The following RORA variants were observed in gnomAD, a reference collection of about 807,000 sequenced individuals.
RORA encodes the protein nuclear receptor ROR-alpha.
Under a neutral mutation model 69.5 loss-of-function variants are expected in RORA, and 7 were observed. The observed-to-expected ratio is 0.10, with a 90% CI of 0.06 to 0.19. The LOEUF is 0.19. Among genes scored for constraint, RORA ranks in the 10% least tolerant of loss-of-function variants. RORA has a pLI of 1.00. For missense variants in RORA, 457 were observed against 663.0 expected (o/e 0.69, Z 3.41); for synonymous variants, 261 against 240.8 (o/e 1.08, Z -0.78).
At chr15:60,709,608 G>C (rs1354260436) in intron 1 of RORA, among the ~76,000 whole-genome samples, 2 of 151,746 alleles carry the variant, frequency 1.3e-5, no homozygotes, top group Non-Finnish European at 2.9e-5. Context: ...AAGTGCACAC[G>C]TGAGGGATCT....
chr15:60,834,158 G>C (rs1156767511), intron 1 of RORA, among the ~76,000 whole-genome samples: 1 of 152,188 alleles, frequency 6.6e-6, no homozygotes. Flanking sequence ...GCATAGAAAA[G>C]TCTCTGCCTG....
At chr15:61,118,233 T>G (rs2079067765) in intron 1 of RORA, among the ~76,000 whole-genome samples, 1 of 152,090 alleles carries the variant, frequency 6.6e-6, no homozygotes, top group Non-Finnish European at 1.5e-5. Flanking sequence ...CAAGTTTTCT[T>G]AAGGAAGGTG....
intron 1 of RORA, among the ~76,000 whole-genome samples, chr15:60,882,192 T>C (rs1211272507): frequency 2.0e-5 from 3 of 152,292 alleles, no homozygotes; most frequent in Non-Finnish European, 4.4e-5. Context: ...TAAAATTCAC[T>C]AGACACGGAA....
intron 1 of RORA, among the ~76,000 whole-genome samples, chr15:60,866,644 C>A (rs2073490457): frequency 6.6e-6 from 1 of 152,086 alleles, no homozygotes; most frequent in Non-Finnish European, 1.5e-5. Context: ...TTAAATTAGT[C>A]ACCAGTGGCC....
rs542275787 is a variant in RORA at position 60,630,888 on chromosome 15, C to CTTTTTTTTTTTTTTT, written c.196+47754_196+47768dup. On this transcript the variant is annotated intron_variant, in intron 2 of 10. Coordinates refer to ENST00000335670, the MANE Select transcript of RORA (RefSeq NM_134261.3). ...GGCATTTGGGCCAGGATGAGACTTT[C>CTTTTTTTTTTTTTTT]TTTTTTTTTTTTTTTTTGAGACGGA... is the stretch of plus-strand genomic sequence containing the variant. Among the ~76,000 whole-genome samples the CTTTTTTTTTTTTTTT allele has an allele frequency of 6.4e-5, 7 of 109,890 alleles. 1 individual carries two copies. Among genetic ancestry groups the CTTTTTTTTTTTTTTT allele is most frequent in the African/African-American group, 1.5e-4 (4 of 26,434 alleles). The allele number at this position is 109,890 out of a possible 152,430, so 72.1% of individuals were successfully genotyped here.
At chr15:61,218,674 T>TCTCACACACACA (rs141433115) in intron 1 of RORA, among the ~76,000 whole-genome samples, 2 of 142,950 alleles carry the variant, frequency 1.4e-5, no homozygotes, top group African/African-American at 2.6e-5. Flanking sequence ...CTAATATAAC[T>TCTCACACACACA]CACACACACA....
At chr15:61,176,582 G>C (rs2079631417) in intron 1 of RORA, 1 of 152,070 alleles carries the variant, frequency 6.6e-6, no homozygotes, top group Admixed American at 6.5e-5. Flanking sequence ...AAAATGCTTG[G>C]GGATTACAGG....
chr15:60,838,691 C>T (rs2073151933), intron 1 of RORA, among the ~76,000 whole-genome samples: 1 of 152,200 alleles, frequency 6.6e-6, no homozygotes, highest in Non-Finnish European at 1.5e-5. Context: ...TCCCTCCCTG[C>T]TTTCAGTTTC....
chr15:60,637,146 C>T (rs2069855714), intron 2 of RORA, among the ~76,000 whole-genome samples: 1 of 151,900 alleles, frequency 6.6e-6, no homozygotes, highest in Admixed American at 6.6e-5. Context: ...GACTTTAGTA[C>T]CTATCGCCAA....
At chr15:60,683,680 G>T (rs2070692526) in intron 1 of RORA, among the ~76,000 whole-genome samples, 1 of 89,300 alleles carries the variant, frequency 1.1e-5, no homozygotes, top group African/African-American at 4.9e-5. Context: ...ACACACGGCA[G>T]GTGTATTTCC....
Position 60,974,671 on chromosome 15 carries a change from G to T in RORA, c.166+254382C>A, listed in dbSNP as rs186120484. Among the ~76,000 whole-genome samples the T allele has an allele frequency of 5.3e-5, 8 of 152,278 alleles. No individual in the cohort carries two copies. In the South Asian group the frequency reaches 1.0e-3, roughly 20 times the overall value. On this transcript the variant is annotated intron_variant, in intron 1 of 10. Transcript: ENST00000335670. Reference sequence around the variant, plus strand: ...TGCCAGGTTCCTTGTAAGCGGACAGGTATAGAGAAATCCCAAACAAGGCCC... The same window carrying T: ...TGCCAGGTTCCTTGTAAGCGGACAGTTATAGAGAAATCCCAAACAAGGCCC...
chr15:60,708,242 T>C (rs2071092627), intron 1 of RORA, among the ~76,000 whole-genome samples: 1 of 151,482 alleles, frequency 6.6e-6, no homozygotes, highest in Non-Finnish European at 1.5e-5. Context: ...ACCAACATGG[T>C]GAAACCCTGT....
At chr15:61,085,504 G>C (rs759925406) in intron 1 of RORA, among the ~76,000 whole-genome samples, 2 of 152,190 alleles carry the variant, frequency 1.3e-5, no homozygotes, top group Non-Finnish European at 2.9e-5. Context: ...TCGTGGGCCC[G>C]CCTGAAAAGG....
chr15:61,066,418 CTTTTTTTTT>C (rs1168663714), intron 1 of RORA, among the ~76,000 whole-genome samples: 5 of 80,962 alleles, frequency 6.2e-5, no homozygotes, highest in South Asian at 9.1e-4. Context: ...GGGCATATTC[CTTTTTTTTT>C]TTTTTTTTTT....
At chr15:61,165,413 C>A (rs2079532789) in intron 1 of RORA, among the ~76,000 whole-genome samples, 1 of 152,232 alleles carries the variant, frequency 6.6e-6, no homozygotes, top group Admixed American at 6.5e-5. Flanking sequence ...TGCTAAGCCT[C>A]ACCAAAGTCA....
chr15:60,811,949 G>A (rs564222700), intron 1 of RORA, among the ~76,000 whole-genome samples: 4 of 152,054 alleles, frequency 2.6e-5, no homozygotes, highest in Non-Finnish European at 5.9e-5. Flanking sequence ...TTATTTTAAC[G>A]GTGAAATGGC....
chr15:60,519,478 CTTG>C (rs907663309), intron 3 of RORA, among the ~76,000 whole-genome samples: 1 of 152,204 alleles, frequency 6.6e-6, no homozygotes, highest in African/African-American at 2.4e-5. Flanking sequence ...ACACTGTCAT[CTTG>C]TTTTGTTTTT....
chr15:60,522,927 A>G (rs1275473560), intron 3 of RORA, among the ~76,000 whole-genome samples: 1 of 151,622 alleles, frequency 6.6e-6, no homozygotes, highest in Non-Finnish European at 1.5e-5. Context: ...AAAATTAGCC[A>G]AGCTTGGTGA....
chr15:60,624,410 C>A (rs1200348836), intron 2 of RORA, among the ~76,000 whole-genome samples: 1 of 143,800 alleles, frequency 7.0e-6, no homozygotes, highest in Non-Finnish European at 1.5e-5. Flanking sequence ...AGGGACACGA[C>A]CCGCTGATAT....
Sources: gnomAD v4.1 joint callset for allele counts (sites outside exome capture counted in the v4.1 genomes callset) on GRCh38, gnomAD v4.1.1 for gene constraint, MANE v1.5 for transcripts, NCBI Gene and HGNC (gene_info 2026-07-23, HGNC 2026-07-21) for gene names.